LSAMP: variants seen among roughly 807,000 people sequenced by gnomAD.
LSAMP encodes the protein limbic system-associated membrane protein.
A neutral mutation model predicts 38.6 loss-of-function variants in LSAMP; 7 were observed. The observed-to-expected ratio is 0.18, with a 90% CI of 0.10 to 0.34. The LOEUF is 0.34. Among genes scored for constraint, LSAMP ranks in the 10% least tolerant of loss-of-function variants. The pLI is 1.00. For missense variants in LSAMP, 313 were observed against 420.0 expected (o/e 0.75, Z 2.23); for synonymous variants, 154 against 166.8 (o/e 0.92, Z 0.59).
chr3:116,168,943 GT>G (rs1425279842), intron 1 of LSAMP, among the ~76,000 whole-genome samples: 2 of 152,182 alleles, frequency 1.3e-5, no homozygotes, highest in Non-Finnish European at 2.9e-5. Context: ...GCACATGCCT[GT>G]AATACCAGTA....
chr3:115,860,100 C>A (rs966362431), intron 3 of LSAMP, among the ~76,000 whole-genome samples: 1 of 152,226 alleles, frequency 6.6e-6, no homozygotes, highest in African/African-American at 2.4e-5. Flanking sequence ...AATGTCGGAA[C>A]CTATTAAAAG....
At chr3:115,877,831 AT>A (rs1559863446) in intron 3 of LSAMP, among the ~76,000 whole-genome samples, 1 of 152,118 alleles carries the variant, frequency 6.6e-6, no homozygotes, top group Non-Finnish European at 1.5e-5. Context: ...GTGCTATGAT[AT>A]TTTGGGGAGG....
In LSAMP at chr3:115,954,497, T is replaced by C. The variant is rs76660410; in HGVS notation, c.514+65018A>G. The stretch of plus-strand genomic sequence containing the variant: ...CAGCAAGAAGCTACAGAAGTTGAAA[T>C]GGACATGGCAAATGGAAACAGAAAA... On this transcript the variant is annotated intron_variant, in intron 3 of 6. Coordinates refer to ENST00000490035, the MANE Select transcript of LSAMP (RefSeq NM_002338.5). Among the ~76,000 whole-genome samples, 726 of 152,302 alleles carry C rather than the reference T, an allele frequency of 4.8e-3. 3 individuals are homozygous for C. Among genetic ancestry groups the C allele is most frequent in the Non-Finnish European group, 8.4e-3 (573 of 68,024 alleles).
At chr3:115,880,646 GTAAA>G (rs1465992707) in intron 3 of LSAMP, among the ~76,000 whole-genome samples, 1 of 152,114 alleles carries the variant, frequency 6.6e-6, no homozygotes, top group African/African-American at 2.4e-5. Context: ...TAACCACTGA[GTAAA>G]TAGAGAATAT....
At chr3:116,163,633 A>G (rs975309746) in intron 1 of LSAMP, among the ~76,000 whole-genome samples, 1 of 151,978 alleles carries the variant, frequency 6.6e-6, no homozygotes, top group African/African-American at 2.4e-5. Flanking sequence ...CTAGTTCTAG[A>G]TCCCTGAGGA....
intron 1 of LSAMP, among the ~76,000 whole-genome samples, chr3:116,244,163 C>T (rs2046574773): frequency 6.6e-6 from 1 of 152,158 alleles, no homozygotes; most frequent in African/African-American, 2.4e-5. Context: ...CTCTAGGAAG[C>T]ACTCTATTCC....
chr3:116,203,180 G>A (rs1376986260), intron 1 of LSAMP, among the ~76,000 whole-genome samples: 2 of 152,046 alleles, frequency 1.3e-5, no homozygotes, highest in Non-Finnish European at 2.9e-5. Flanking sequence ...GTCATATTGA[G>A]CACGTTTGTC....
At chr3:116,068,250 T>TC (rs886916301) in intron 2 of LSAMP, among the ~76,000 whole-genome samples, 1 of 152,050 alleles carries the variant, frequency 6.6e-6, no homozygotes, top group African/African-American at 2.4e-5. Flanking sequence ...CAATCCCATT[T>TC]CCCCCCTCTA....
At chr3:116,116,896 C>T (rs1429289950) in intron 1 of LSAMP, among the ~76,000 whole-genome samples, 1 of 152,096 alleles carries the variant, frequency 6.6e-6, no homozygotes, top group Non-Finnish European at 1.5e-5. Flanking sequence ...TATCAAGCTT[C>T]CAGACAAGTG....
chr3:115,805,948 A>G lies in LSAMP; in HGVS notation c.*4369T>C, dbSNP rs1269390771. 6.6e-6 allele frequency: 1 copy of G among 152,134 alleles called. No homozygotes were observed. The highest frequency in any genetic ancestry group is 2.4e-5 in the African/African-American group (1 of 41,434). The allele number at this position is 152,134 out of a possible 1,614,324, so 9.4% of individuals were successfully genotyped here. ...AAACTGCATTTTTGTTTCTTATCTC[A>G]CCATTTTTGTGGTGTGTTTCACATT... On this transcript the variant is annotated 3_prime_UTR_variant, in exon 7 of 7. Coordinates refer to ENST00000490035, the MANE Select transcript of LSAMP (RefSeq NM_002338.5).
chr3:115,817,315 A>G (rs1403340151), intron 6 of LSAMP, among the ~76,000 whole-genome samples: 2 of 152,184 alleles, frequency 1.3e-5, no homozygotes, highest in African/African-American at 4.8e-5. Flanking sequence ...TTATGCATAT[A>G]CTTTTTGCCT....
chr3:115,935,526 G>A (rs1937671006), intron 3 of LSAMP, among the ~76,000 whole-genome samples: 1 of 152,180 alleles, frequency 6.6e-6, no homozygotes, highest in South Asian at 2.1e-4. Flanking sequence ...CGGAGGCTCT[G>A]CTATTTACTA....
At chr3:115,888,274 TG>T (rs1283083582) in intron 3 of LSAMP, among the ~76,000 whole-genome samples, 1 of 152,014 alleles carries the variant, frequency 6.6e-6, no homozygotes, top group Non-Finnish European at 1.5e-5. Flanking sequence ...TTAATTATTT[TG>T]TCATTAACAT....
At chr3:115,924,514 G>C (rs1351543243) in intron 3 of LSAMP, among the ~76,000 whole-genome samples, 1 of 152,172 alleles carries the variant, frequency 6.6e-6, no homozygotes, top group Non-Finnish European at 1.5e-5. Flanking sequence ...ATATTTACCA[G>C]AGGGATAGAG....
chr3:115,959,925 T>C (rs1276861650), intron 3 of LSAMP, among the ~76,000 whole-genome samples: 3 of 152,162 alleles, frequency 2.0e-5, no homozygotes, highest in Non-Finnish European at 2.9e-5. Flanking sequence ...CCCCAACTCA[T>C]GTAAAGGGAA....
At chr3:116,385,732 T>G (rs939711697) in intron 1 of LSAMP, among the ~76,000 whole-genome samples, 1 of 152,176 alleles carries the variant, frequency 6.6e-6, no homozygotes, top group African/African-American at 2.4e-5. Flanking sequence ...ATCTGTCTAG[T>G]TACCATTTGG....
intron 1 of LSAMP, among the ~76,000 whole-genome samples, chr3:116,328,089 C>A (rs1247542400): frequency 6.6e-6 from 1 of 152,126 alleles, no homozygotes; most frequent in East Asian, 1.9e-4. Flanking sequence ...AGTGTTTAGG[C>A]CTGCTTCTCT....
intron 3 of LSAMP, among the ~76,000 whole-genome samples, chr3:115,888,606 A>G (rs765854151): frequency 4.0e-5 from 6 of 151,872 alleles, no homozygotes; most frequent in Non-Finnish European, 7.4e-5. Flanking sequence ...ATCCACTCCA[A>G]TGTTTGGTCC....
intron 1 of LSAMP, among the ~76,000 whole-genome samples, chr3:116,347,224 T>A (rs1241048348): frequency 2.0e-5 from 3 of 152,230 alleles, no homozygotes; most frequent in Non-Finnish European, 4.4e-5. Flanking sequence ...TCACTCTTTA[T>A]GACAGGAGCT....
Sources: gnomAD v4.1 joint callset for allele counts (sites outside exome capture counted in the v4.1 genomes callset) on GRCh38, gnomAD v4.1.1 for gene constraint, MANE v1.5 for transcripts, NCBI Gene and HGNC (gene_info 2026-07-23, HGNC 2026-07-21) for gene names.